Variants in FGD6 observed in about 807,000 individuals in gnomAD.
FGD6 encodes FYVE, RhoGEF and PH domain containing 6.
Under a neutral mutation model 149.4 loss-of-function variants are expected in FGD6, and 90 were observed. The observed-to-expected ratio is 0.60, with a 90% CI of 0.51 to 0.72. FGD6 has a LOEUF of 0.72. Ranked by LOEUF, FGD6 falls within the 30% of genes least tolerant of loss-of-function variation. The pLI is 0.00. For synonymous variants in FGD6, 527 were observed against 584.0 expected, an observed-to-expected ratio of 0.90 and a Z score of 1.41; for missense variants, 1,437 against 1,684.8, an observed-to-expected ratio of 0.85 and a Z score of 2.57.
chr12:95,108,305 A>G (rs1408930190), intron 11 of FGD6, 43 bp downstream of exon 11: 6 of 1,543,488 alleles, frequency 3.9e-6, no homozygotes, highest in East Asian at 2.3e-5. Context: ...TGGTACCTAA[A>G]TGCATCGTAT....
chr12:95,138,246 A>AAATAACTCACTC (rs796444898), intron 6 of FGD6, among the ~76,000 whole-genome samples: 17 of 143,776 alleles, frequency 1.2e-4, no homozygotes, highest in Non-Finnish European at 2.0e-4. Flanking sequence ...ATAAATAAAT[A>AAATAACTCACTC]ACTCACTCAC....
At chr12:95,135,869 C>T (rs1879650745) in intron 7 of FGD6, among the ~76,000 whole-genome samples, 1 of 152,152 alleles carries the variant, frequency 6.6e-6, no homozygotes. Flanking sequence ...CTTTTGCTAA[C>T]AAGGTAACAC....
At chr12:95,093,182 C>G (rs1002158421) in intron 15 of FGD6, among the ~76,000 whole-genome samples, 2 of 151,248 alleles carry the variant, frequency 1.3e-5, no homozygotes, top group Non-Finnish European at 3.0e-5. Context: ...GATTGTCCCA[C>G]TGCACTCCAG....
chr12:95,139,991 T>G (rs1879797902), intron 6 of FGD6, among the ~76,000 whole-genome samples: 1 of 152,204 alleles, frequency 6.6e-6, no homozygotes, highest in Non-Finnish European at 1.5e-5. Context: ...AAATTGTGTA[T>G]TATTTTATAC....
chr12:95,162,587 C>T (rs777383685), intron 3 of FGD6, among the ~76,000 whole-genome samples: 4 of 152,044 alleles, frequency 2.6e-5, no homozygotes, highest in African/African-American at 4.8e-5. Context: ...ACAATGGAAA[C>T]GAACTGAACA....
rs759480038 is a variant in FGD6 at position 95,208,907 on chromosome 12, C to T, written c.2377G>A (p.Val793Ile). Residue 793 changes from valine to isoleucine, a missense_variant, in exon 2 of 21, where the codon GTA (valine) becomes ATA (isoleucine). Physicochemically the swap from Val to Ile is conservative, Grantham distance 29. Coordinates refer to ENST00000343958, the MANE Select transcript of FGD6 (RefSeq NM_018351.4). ...TCTGGAGCTTCATACGGCTCTTCTA[C>T]CTCATACACATTTGCATCAGCGTCC... is the stretch of plus-strand genomic sequence containing the variant. ...MEDADANVYE[V>I]EEPYEAPDGQ... The T allele has an allele frequency of 6.2e-7, 1 of 1,614,112 alleles. No individual in the cohort carries two copies. Among genetic ancestry groups the T allele is most frequent in the South Asian group, 1.1e-5 (1 of 91,074 alleles).
At chr12:95,082,904 T>C (rs935741420) in intron 20 of FGD6, among the ~76,000 whole-genome samples, 1 of 144,758 alleles carries the variant, frequency 6.9e-6, no homozygotes, top group Non-Finnish European at 1.5e-5. Flanking sequence ...TCCAGCACTT[T>C]GAGAGGCTGA....
intron 7 of FGD6, among the ~76,000 whole-genome samples, chr12:95,136,578 G>T (rs941759575): frequency 6.6e-6 from 1 of 152,144 alleles, no homozygotes; most frequent in Non-Finnish European, 1.5e-5. Flanking sequence ...CAAAGCTTTG[G>T]CTGACACATG....
chr12:95,157,267 A>C (rs775110792), intron 3 of FGD6, among the ~76,000 whole-genome samples: 9 of 152,212 alleles, frequency 5.9e-5, no homozygotes, highest in Non-Finnish European at 1.3e-4. Flanking sequence ...TGACCCTTCC[A>C]TAAGAATATA....
intron 14 of FGD6, among the ~76,000 whole-genome samples, chr12:95,095,184 AT>A (rs1430008411): frequency 2.6e-5 from 4 of 152,086 alleles, no homozygotes; most frequent in Non-Finnish European, 5.9e-5. Flanking sequence ...AAGGGAACAT[AT>A]TTTTTTGTAT....
Position 95,113,718 on chromosome 12 carries a change from A to G in FGD6, c.3083-17T>C. Reference sequence around the variant, plus strand: ...TCAAATAATCTAGAAAAGAAGAAAAAAAAGTATTTAAGTACAATAAACCAG... The same window carrying G: ...TCAAATAATCTAGAAAAGAAGAAAAGAAAGTATTTAAGTACAATAAACCAG... On this transcript the variant is annotated splice_polypyrimidine_tract_variant and intron_variant, in intron 8 of 20. Transcript: ENST00000343958. 6.5e-7 allele frequency: 1 copy of G among 1,529,766 alleles called. No homozygotes were observed. The highest frequency in any genetic ancestry group is 8.9e-7 in the Non-Finnish European group (1 of 1,118,606). The allele number at this position is 1,529,766 out of a possible 1,614,324, so 94.8% of individuals were successfully genotyped here. A position where few individuals can be genotyped will look rare whatever the true frequency, so the allele number is the denominator to read the frequency against.
At chr12:95,144,988 CTTTT>C (rs34338776) in intron 5 of FGD6, among the ~76,000 whole-genome samples, 1 of 98,850 alleles carries the variant, frequency 1.0e-5, no homozygotes, top group Non-Finnish European at 1.9e-5. Flanking sequence ...CGCACCCGGC[CTTTT>C]TTTTTTTTTT....
chr12:95,083,474 A>T (rs913109273), intron 20 of FGD6, among the ~76,000 whole-genome samples: 3 of 152,196 alleles, frequency 2.0e-5, no homozygotes, highest in African/African-American at 7.2e-5. Context: ...AAGAAAGCTA[A>T]TATCTGACAA....
Position 95,121,794 on chromosome 12 carries a change from G to A in FGD6, c.3083-8093C>T, listed in dbSNP as rs143397724. ...CCTCAGCCTCCCCAGTAGCTGGGACGACAGATGTGTGTCACAACGCCCAGC... is the reference window on the plus strand; with the variant it reads ...CCTCAGCCTCCCCAGTAGCTGGGACAACAGATGTGTGTCACAACGCCCAGC... On this transcript the variant is annotated intron_variant, in intron 8 of 20. Coordinates refer to ENST00000343958, the MANE Select transcript of FGD6 (RefSeq NM_018351.4). 8.4e-4 allele frequency among the ~76,000 whole-genome samples: 128 copies of A among 152,038 alleles called. 1 individual carries two copies. The East Asian group carries it at 0.022, about 26-fold the overall frequency.
At chr12:95,164,698 T>G (rs1441026719) in intron 3 of FGD6, among the ~76,000 whole-genome samples, 2 of 152,182 alleles carry the variant, frequency 1.3e-5, no homozygotes, top group Non-Finnish European at 2.9e-5. Context: ...CCCATAGTGC[T>G]GGGATTACAG....
chr12:95,130,116 G>A (rs576120201), intron 8 of FGD6, among the ~76,000 whole-genome samples: 4 of 152,150 alleles, frequency 2.6e-5, no homozygotes, highest in South Asian at 4.1e-4. Flanking sequence ...TACCATGCAG[G>A]AAGAGATTGC....
chr12:95,097,244 G>A (rs959609293), intron 14 of FGD6, among the ~76,000 whole-genome samples: 6 of 152,188 alleles, frequency 3.9e-5, no homozygotes, highest in South Asian at 2.1e-4. Context: ...AAACTGTTAA[G>A]TCAAGTATTA....
At chr12:95,156,735 C>G (rs1194133405) in intron 3 of FGD6, among the ~76,000 whole-genome samples, 2 of 152,078 alleles carry the variant, frequency 1.3e-5, no homozygotes, top group African/African-American at 2.4e-5. Flanking sequence ...ATCACAGAAC[C>G]TGCCGACATG....
chr12:95,186,228 CTTTTTTTTTTTTTTT>C (rs1174763781), intron 2 of FGD6, among the ~76,000 whole-genome samples: 8 of 38,936 alleles, frequency 2.1e-4, no homozygotes, highest in Admixed American at 3.6e-4. Context: ...TATTCTTCTT[CTTTTTTTTTTTTTTT>C]TTTTTTTTTT....
Sources: gnomAD v4.1 joint callset for allele counts (sites outside exome capture counted in the v4.1 genomes callset) on GRCh38, gnomAD v4.1.1 for gene constraint, MANE v1.5 for transcripts, NCBI Gene and HGNC (gene_info 2026-07-23, HGNC 2026-07-21) for gene names.